Variants in PKHD1 observed in about 807,000 individuals in gnomAD.
The protein encoded by PKHD1 is PKHD1 ciliary IPT domain containing fibrocystin/polyductin.
In PKHD1, 291 loss-of-function variants were observed where a neutral mutation model predicts 412.0. The ratio of observed to expected loss-of-function variants is 0.71; its 90% CI spans 0.64 to 0.78. The LOEUF (loss-of-function observed/expected upper bound fraction) is 0.78, where lower values mean the gene tolerates loss of function less well. Ranked by LOEUF, PKHD1 falls within the 30% of genes least tolerant of loss-of-function variation. PKHD1 has a pLI of 0.00. For synonymous variants in PKHD1, 1,777 were observed against 1,821.5 expected, an observed-to-expected ratio of 0.98 and a Z score of 0.62; for missense variants, 4,825 against 4,950.7, an observed-to-expected ratio of 0.97 and a Z score of 0.76.
intron 60 of PKHD1, among the ~76,000 whole-genome samples, chr6:51,712,593 T>A (rs1780786659): frequency 1.3e-5 from 2 of 152,230 alleles, no homozygotes; most frequent in South Asian, 4.1e-4. Context: ...ATTTGTTTTA[T>A]TTTGCTTGAA....
chr6:51,822,332 C>A (rs1766580831), intron 52 of PKHD1, among the ~76,000 whole-genome samples: 1 of 152,154 alleles, frequency 6.6e-6, no homozygotes, highest in African/African-American at 2.4e-5. Flanking sequence ...TATTCTCAAG[C>A]AATTTCCAAA....
At chr6:51,649,264 C>T in intron 61 of PKHD1, 44 bp from the exon 62 acceptor site, 2 of 1,471,466 alleles carry the variant, frequency 1.4e-6, no homozygotes, top group South Asian at 1.1e-5. Context: ...TAGGATTACA[C>T]ATATCCCTAT....
At chr6:51,915,710 T>C (rs1312841950) in intron 37 of PKHD1, among the ~76,000 whole-genome samples, 1 of 151,906 alleles carries the variant, frequency 6.6e-6, no homozygotes, top group Non-Finnish European at 1.5e-5. Context: ...AGTACTCTCA[T>C]GGCAGGTACC....
In PKHD1 at chr6:52,026,033, A is replaced by G. The variant is rs2128146464; in HGVS notation, c.3777T>C (p.Asp1259=). 2 of 1,614,082 alleles carry G rather than the reference A, an allele frequency of 1.2e-6. No homozygotes were observed. The highest frequency in any genetic ancestry group is 1.7e-6 in the Non-Finnish European group (2 of 1,180,030). Residue 1259 remains aspartate (D), a synonymous_variant, in exon 32 of 67, where the codon GAT becomes GAC. Transcript: ENST00000371117. The part of the protein sequence containing the change: ...CETLPAPQIP[D]AGAPTVPAAV... ...CAGCTGGAACAGTGGGAGCGCCCGC[A>G]TCGGGTATCTGGGGGGCTGGCAGGG...
At chr6:51,997,128 C>A (rs1562091439) in intron 35 of PKHD1, among the ~76,000 whole-genome samples, 2 of 152,080 alleles carry the variant, frequency 1.3e-5, no homozygotes, top group South Asian at 4.2e-4. Flanking sequence ...CATGAAAGAC[C>A]CTTTCATTCC....
At chr6:52,058,635 A>G (rs142844119) in intron 15 of PKHD1, 34 bp from the exon 16 acceptor site, 3 of 1,605,942 alleles carry the variant, frequency 1.9e-6, no homozygotes, top group East Asian at 4.5e-5. Flanking sequence ...GATCAATACT[A>G]TGCAGCTTCC....
At chr6:51,918,439 A>G (rs189870863) in intron 37 of PKHD1, among the ~76,000 whole-genome samples, 1 of 151,994 alleles carries the variant, frequency 6.6e-6, no homozygotes, top group Non-Finnish European at 1.5e-5. Context: ...ATGAGTGAGA[A>G]CATGTGTTTG....
At chr6:52,035,964 A>C (rs1183852873) in intron 27 of PKHD1, among the ~76,000 whole-genome samples, 1 of 152,144 alleles carries the variant, frequency 6.6e-6, no homozygotes, top group Non-Finnish European at 1.5e-5. Flanking sequence ...TAAGAATAAA[A>C]CCTAGGAACA....
At chr6:51,794,047 C>CTTTT (rs58801569) in intron 52 of PKHD1, among the ~76,000 whole-genome samples, 3 of 124,138 alleles carry the variant, frequency 2.4e-5, no homozygotes, top group African/African-American at 5.9e-5. Context: ...TGCTTTTTGA[C>CTTTT]TTTTTTTTTT....
At chr6:51,864,839 C>T (rs542144123) in intron 48 of PKHD1, among the ~76,000 whole-genome samples, 14 of 151,846 alleles carry the variant, frequency 9.2e-5, no homozygotes, top group Middle Eastern at 3.4e-3. Flanking sequence ...TTCACTCTTA[C>T]GGCACATCAC....
intron 52 of PKHD1, among the ~76,000 whole-genome samples, chr6:51,805,634 C>A (rs1437100127): frequency 6.6e-6 from 1 of 152,066 alleles, no homozygotes; most frequent in African/African-American, 2.4e-5. Flanking sequence ...GAAAGGCGGG[C>A]AAGAGAGCAG....
At chr6:51,740,361 T>G (rs974365102) in intron 60 of PKHD1, among the ~76,000 whole-genome samples, 4 of 152,202 alleles carry the variant, frequency 2.6e-5, no homozygotes, top group Non-Finnish European at 5.9e-5. Flanking sequence ...GAGTAGTTTT[T>G]GTACGAACTT....
At chr6:52,012,345 T>G (rs1261128220) in intron 34 of PKHD1, among the ~76,000 whole-genome samples, 1 of 152,226 alleles carries the variant, frequency 6.6e-6, no homozygotes, top group African/African-American at 2.4e-5. Context: ...GCATTATTGT[T>G]AAAAATGTAA....
At chr6:51,639,658 G>T (rs1465606022) in intron 63 of PKHD1, among the ~76,000 whole-genome samples, 3 of 151,844 alleles carry the variant, frequency 2.0e-5, no homozygotes, top group Admixed American at 6.6e-5. Flanking sequence ...CGTGAAAAAA[G>T]GCAGCTTAAC....
intron 60 of PKHD1, among the ~76,000 whole-genome samples, chr6:51,675,910 G>A (rs1039525332): frequency 6.6e-6 from 1 of 152,198 alleles, no homozygotes; most frequent in Non-Finnish European, 1.5e-5. Flanking sequence ...GTGCATGTGT[G>A]CCTATGAGCA....
intron 43 of PKHD1, among the ~76,000 whole-genome samples, chr6:51,890,677 T>A (rs575639998): frequency 6.6e-6 from 1 of 152,286 alleles, no homozygotes; most frequent in East Asian, 1.9e-4. Flanking sequence ...CCAGAGAATG[T>A]AAAATCCTTC....
intron 60 of PKHD1, chr6:51,740,115 G>A (rs1372409076): frequency 4.2e-6 from 2 of 479,050 alleles, no homozygotes; most frequent in African/African-American, 3.9e-5. Flanking sequence ...AAGATCACCT[G>A]CTTGGCATGA....
chr6:51,665,589 T>C (rs1303176136), intron 60 of PKHD1, among the ~76,000 whole-genome samples: 1 of 152,142 alleles, frequency 6.6e-6, no homozygotes, highest in African/African-American at 2.4e-5. Flanking sequence ...AGCTGAAAAG[T>C]AGGTTCTTTT....
chr6:52,014,909 G>C (rs1341147815), intron 34 of PKHD1, among the ~76,000 whole-genome samples: 1 of 152,148 alleles, frequency 6.6e-6, no homozygotes, highest in African/African-American at 2.4e-5. Flanking sequence ...AGATGTTGTG[G>C]ATGGCAGGGA....
Sources: allele counts gnomAD v4.1 joint callset (sites outside exome capture counted in the v4.1 genomes callset), GRCh38; gene constraint gnomAD v4.1.1; transcripts MANE v1.5; gene names NCBI Gene and HGNC (gene_info 2026-07-23, HGNC 2026-07-21).